Variants in PTPRN2 observed in about 807,000 individuals in gnomAD.
PTPRN2 encodes the protein receptor-type tyrosine-protein phosphatase N2.
A neutral mutation model predicts 118.8 loss-of-function variants in PTPRN2; 74 were observed. The ratio of observed to expected loss-of-function variants is 0.62; its 90% CI spans 0.52 to 0.76. The LOEUF (loss-of-function observed/expected upper bound fraction) is 0.76. PTPRN2 is among the 30% of genes least tolerant of loss of function. PTPRN2 has a pLI of 0.00. For synonymous variants in PTPRN2, 641 were observed against 608.0 expected (o/e 1.05, Z -0.80); for missense variants, 1,481 against 1,394.4 (o/e 1.06, Z -0.99).
chr7:157,816,495 G>A (rs938087268), intron 12 of PTPRN2, among the ~76,000 whole-genome samples: 26 of 152,270 alleles, frequency 1.7e-4, no homozygotes, highest in African/African-American at 5.8e-4. Flanking sequence ...ACCTCAGGAC[G>A]CTGCACTGGA....
At position 158,407,144 on chromosome 7, in the gene PTPRN2, CGTCCTGG is replaced by C. The variant is rs1237302224; in HGVS notation, c.163+82584_163+82590del. ...CCTGGGTCCTGGGTCCTGCGTCCTGCGTCCTGGGTCCTGGGTCCTGGGTCCTGCGTCC... is the reference window on the plus strand; with the variant it reads ...CCTGGGTCCTGGGTCCTGCGTCCTGCGTCCTGGGTCCTGGGTCCTGCGTCC... On this transcript the variant is annotated intron_variant, in intron 2 of 22. Transcript: ENST00000389418. Among the ~76,000 whole-genome samples the C allele has an allele frequency of 2.1e-4, 23 of 111,648 alleles. 1 individual carries two copies. The highest frequency in any genetic ancestry group is 1.3e-3 in the East Asian group (4 of 3,078). The allele number at this position is 111,648 out of a possible 152,430, so 73.2% of individuals were successfully genotyped here.
intron 11 of PTPRN2, among the ~76,000 whole-genome samples, chr7:157,911,024 T>C (rs751237594): frequency 1.3e-5 from 2 of 152,248 alleles, no homozygotes; most frequent in Non-Finnish European, 2.9e-5. Context: ...GGGGGTGCCC[T>C]TGCCTGTGCC....
At chr7:158,334,512 A>C (rs1424031401) in intron 2 of PTPRN2, among the ~76,000 whole-genome samples, 2 of 108,946 alleles carry the variant, frequency 1.8e-5, no homozygotes, top group East Asian at 2.9e-4. Context: ...CACTCTCACC[A>C]TAAGAGGTGA....
intron 2 of PTPRN2, among the ~76,000 whole-genome samples, chr7:158,425,082 C>G (rs990845020): frequency 6.6e-6 from 1 of 152,240 alleles, no homozygotes; most frequent in African/African-American, 2.4e-5. Flanking sequence ...GGCCTTAAGA[C>G]AAAAACAATC....
chr7:158,432,341 G>T (rs2129429795), intron 2 of PTPRN2, among the ~76,000 whole-genome samples: 1 of 152,324 alleles, frequency 6.6e-6, no homozygotes, highest in African/African-American at 2.4e-5. Flanking sequence ...AACCTCTCAA[G>T]CTAGGGCTGA....
At chr7:158,497,636 G>A (rs1183687533) in intron 1 of PTPRN2, among the ~76,000 whole-genome samples, 1 of 152,232 alleles carries the variant, frequency 6.6e-6, no homozygotes, top group Non-Finnish European at 1.5e-5. Flanking sequence ...CCTGAGGACT[G>A]CACGGTGGCC....
At chr7:157,551,323 G>A (rs1798584979) in intron 21 of PTPRN2, among the ~76,000 whole-genome samples, 1 of 152,042 alleles carries the variant, frequency 6.6e-6, no homozygotes, top group South Asian at 2.1e-4. Flanking sequence ...CAATTTAAAT[G>A]TGAAAAATAC....
At chr7:158,006,206 G>A (rs2128864541) in intron 11 of PTPRN2, among the ~76,000 whole-genome samples, 1 of 152,306 alleles carries the variant, frequency 6.6e-6, no homozygotes, top group South Asian at 2.1e-4. Context: ...AGCCAACACT[G>A]TGTTCCTCGT....
chr7:158,545,719 C>A (rs1826239146), intron 1 of PTPRN2, among the ~76,000 whole-genome samples: 1 of 152,192 alleles, frequency 6.6e-6, no homozygotes, highest in Admixed American at 6.5e-5. Context: ...TCAAATCTTG[C>A]CAGGCCCAGT....
intron 2 of PTPRN2, among the ~76,000 whole-genome samples, chr7:158,355,386 C>T (rs1160565233): frequency 6.6e-6 from 1 of 152,198 alleles, no homozygotes; most frequent in Non-Finnish European, 1.5e-5. Context: ...AGCTAGGGTG[C>T]TGCAGCATAA....
intron 12 of PTPRN2, among the ~76,000 whole-genome samples, chr7:157,691,701 C>G (rs1020312430): frequency 6.6e-6 from 1 of 152,190 alleles, no homozygotes; most frequent in African/African-American, 2.4e-5. Flanking sequence ...ATGGTCTGGC[C>G]TAGACCACCG....
intron 2 of PTPRN2, among the ~76,000 whole-genome samples, chr7:158,390,909 C>T (rs541170802): frequency 2.0e-5 from 3 of 152,290 alleles, no homozygotes; most frequent in South Asian, 2.1e-4. Context: ...CCACGGGTGC[C>T]GCGTCACATG....
chr7:158,191,144 T>G (rs1383213529), intron 5 of PTPRN2, among the ~76,000 whole-genome samples: 1 of 152,224 alleles, frequency 6.6e-6, no homozygotes, highest in African/African-American at 2.4e-5. Flanking sequence ...GGACTCTACC[T>G]TTCGAGGTCT....
chr7:158,032,215 T>TGCTTCGCCG (rs1055472099), intron 11 of PTPRN2, among the ~76,000 whole-genome samples: 2 of 152,186 alleles, frequency 1.3e-5, no homozygotes, highest in Admixed American at 6.5e-5. Flanking sequence ...CAGCAATTAT[T>TGCTTCGCCG]GCTTCGCCGG....
At chr7:157,669,794 C>T (rs1026013400) in intron 13 of PTPRN2, among the ~76,000 whole-genome samples, 2 of 152,204 alleles carry the variant, frequency 1.3e-5, no homozygotes, top group Non-Finnish European at 2.9e-5. Context: ...GCTCGCTCAG[C>T]CCCCATCCCT....
chr7:158,014,586 C>T (rs907510715), intron 11 of PTPRN2, among the ~76,000 whole-genome samples: 1 of 151,698 alleles, frequency 6.6e-6, no homozygotes, highest in African/African-American at 2.4e-5. Context: ...CACCCATTCA[C>T]CCGTTCATTC....
At chr7:157,669,823 G>C (rs1038369106) in intron 13 of PTPRN2, among the ~76,000 whole-genome samples, 2 of 152,178 alleles carry the variant, frequency 1.3e-5, no homozygotes, top group African/African-American at 4.8e-5. Context: ...CAGAGCACCA[G>C]CCCTTTCTCG....
intron 12 of PTPRN2, among the ~76,000 whole-genome samples, chr7:157,795,266 C>A (rs1240816475): frequency 6.6e-6 from 1 of 152,014 alleles, no homozygotes. Flanking sequence ...ATCTAGGGGG[C>A]ACTTTGGCAG....
In PTPRN2 at chr7:158,461,016, T is replaced by C. The variant is rs138481956; in HGVS notation, c.163+28719A>G. ...GACCATCATTGCACAAACTACAACA[T>C]CCTCAAACCCAAGACACACTGCAGA... On this transcript the variant is annotated intron_variant, in intron 2 of 22. Transcript: ENST00000389418. 4.7e-3 allele frequency among the ~76,000 whole-genome samples: 721 copies of C among 152,242 alleles called. 4 individuals carry two copies. Among genetic ancestry groups the C allele is most frequent in the African/African-American group, 0.016 (678 of 41,542 alleles).
Sources: allele counts gnomAD v4.1 joint callset (sites outside exome capture counted in the v4.1 genomes callset), GRCh38; gene constraint gnomAD v4.1.1; transcripts MANE v1.5; gene names NCBI Gene and HGNC (gene_info 2026-07-23, HGNC 2026-07-21).